Variants in PCBD2 observed in about 807,000 individuals in gnomAD.
PCBD2 encodes the protein pterin-4-alpha-carbinolamine dehydratase 2.
PCBD2 carries 12 observed loss-of-function variants against 16.4 expected under a neutral mutation model. The observed-to-expected ratio is 0.73, with a 90% CI of 0.47 to 1.19. The LOEUF is 1.19. Among genes scored for constraint, PCBD2 ranks in the 50% most tolerant of loss-of-function variants. The probability of loss-of-function intolerance (pLI) is 0.00; values close to 1 mark genes in which losing one functional copy is unlikely to be tolerated. For missense variants in PCBD2, 138 were observed against 156.8 expected (o/e 0.88, Z 0.64); for synonymous variants, 58 against 61.8 (o/e 0.94, Z 0.29).
At chr5:134,960,550 G>A in intron 3 of PCBD2, 36 bp from the exon 4 acceptor site, 1 of 1,428,112 alleles carries the variant, frequency 7.0e-7, no homozygotes, top group South Asian at 1.2e-5. Flanking sequence ...ATGATTTGCT[G>A]CTCAGAGTTT....
intron 3 of PCBD2, among the ~76,000 whole-genome samples, chr5:134,959,963 T>C (rs1325707821): frequency 7.2e-6 from 1 of 138,736 alleles, no homozygotes; most frequent in African/African-American, 2.7e-5. Flanking sequence ...CGATCTCAGC[T>C]CACTGCAGCC....
At chr5:134,939,971 T>G (rs558179385) in intron 2 of PCBD2, among the ~76,000 whole-genome samples, 1 of 151,994 alleles carries the variant, frequency 6.6e-6, no homozygotes, top group Non-Finnish European at 1.5e-5. Flanking sequence ...GGCACTTTTT[T>G]CCTTATGTTG....
At position 134,962,453 on chromosome 5, in the gene PCBD2, A is replaced by C. The variant is rs912648292; in HGVS notation, c.*1772A>C. ...TAATTATACAAGATGGAGTCTCACT[A>C]TGTTGCCCAGGCTGGTCTTGAATGC... On this transcript the variant is annotated 3_prime_UTR_variant, in exon 4 of 4. Coordinates refer to ENST00000254908, the MANE Select transcript of PCBD2 (RefSeq NM_032151.5). Among the ~76,000 whole-genome samples the C allele has an allele frequency of 6.6e-6, 1 of 151,890 alleles. No individual in the cohort carries two copies. Among genetic ancestry groups the C allele is most frequent in the Non-Finnish European group, 1.5e-5 (1 of 67,954 alleles).
chr5:134,937,862 C>T (rs991385230), intron 2 of PCBD2, among the ~76,000 whole-genome samples: 3 of 152,204 alleles, frequency 2.0e-5, no homozygotes, highest in African/African-American at 4.8e-5. Flanking sequence ...CTGATGCAAG[C>T]GTAAGTCTTC....
At chr5:134,905,245 G>C (rs1461297486) in intron 1 of PCBD2, 22 bp downstream of exon 1, 1 of 1,223,506 alleles carries the variant, frequency 8.2e-7, no homozygotes, top group Middle Eastern at 3.1e-4. Flanking sequence ...GCGGCCGCGT[G>C]GGTGGGGGTC....
At chr5:134,943,503 T>C (rs886625143) in intron 2 of PCBD2, among the ~76,000 whole-genome samples, 1 of 152,240 alleles carries the variant, frequency 6.6e-6, no homozygotes, top group African/African-American at 2.4e-5. Flanking sequence ...CAAATGCTCA[T>C]GGTGTAAAGT....
chr5:134,941,118 GAAAAAAAAA>G (rs764468793), intron 2 of PCBD2, among the ~76,000 whole-genome samples: 1 of 80,212 alleles, frequency 1.2e-5, no homozygotes. Flanking sequence ...CCATCTCAAG[GAAAAAAAAA>G]AAAAAAAAAA....
In PCBD2 at chr5:134,910,360, C is replaced by T. The variant is rs546855178; in HGVS notation, c.110C>T (p.Ala37Val). The T allele has an allele frequency of 1.2e-6, 2 of 1,613,956 alleles. No individual in the cohort carries two copies. The highest frequency in any genetic ancestry group is 4.5e-5 in the East Asian group (2 of 44,872). Residue 37 changes from alanine to valine, a missense_variant, in exon 2 of 4, where the codon GCA (alanine) becomes GTA (valine). By Grantham distance (64) the Ala-to-Val change is moderately conservative (BLOSUM62 0). Transcript: ENST00000254908. Reference sequence around the variant, plus strand: ...TCATCAGGTACTCACAGGTTGACTGCAGAGGAGAGGAACCAAGCTATACTT... The same window carrying T: ...TCATCAGGTACTCACAGGTTGACTGTAGAGGAGAGGAACCAAGCTATACTT... Reference protein sequence around the residue: ...AMSSGTHRLTAEERNQAILDL... With the variant: ...AMSSGTHRLTVEERNQAILDL...
chr5:134,905,381 C>G (rs1029646732), intron 1 of PCBD2, 158 bp downstream of exon 1: 3 of 541,554 alleles, frequency 5.5e-6, no homozygotes. Flanking sequence ...GACTGACCAC[C>G]TGTCCGGTGC....
At chr5:134,922,136 C>G (rs1221973185) in intron 2 of PCBD2, among the ~76,000 whole-genome samples, 2 of 152,184 alleles carry the variant, frequency 1.3e-5, no homozygotes, top group African/African-American at 4.8e-5. Flanking sequence ...TGACCAAGGC[C>G]ACAAAAATTA....
intron 2 of PCBD2, among the ~76,000 whole-genome samples, chr5:134,937,687 C>T (rs1751176655): frequency 6.6e-6 from 1 of 152,230 alleles, no homozygotes; most frequent in Admixed American, 6.5e-5. Context: ...CAGTAGGAAT[C>T]TCCACTCACT....
chr5:134,917,790 C>A (rs975875072), intron 2 of PCBD2, among the ~76,000 whole-genome samples: 3 of 152,186 alleles, frequency 2.0e-5, no homozygotes, highest in African/African-American at 7.2e-5. Flanking sequence ...AGCAGTAGCA[C>A]CATATGTGAC....
intron 2 of PCBD2, among the ~76,000 whole-genome samples, chr5:134,947,544 C>T (rs966922145): frequency 6.6e-5 from 10 of 151,918 alleles, no homozygotes; most frequent in Non-Finnish European, 1.2e-4. Flanking sequence ...CCCACTACCA[C>T]GCCTGGCTAA....
intron 2 of PCBD2, among the ~76,000 whole-genome samples, chr5:134,929,275 A>T (rs577277518): frequency 6.7e-6 from 1 of 149,762 alleles, no homozygotes; most frequent in South Asian, 2.1e-4. Flanking sequence ...TGAGGCCAGG[A>T]GTTTGAGGCT....
At chr5:134,927,542 G>C (rs76922362) in intron 2 of PCBD2, 1 of 398,138 alleles carries the variant, frequency 2.5e-6, no homozygotes, top group African/African-American at 2.1e-5. Flanking sequence ...TGTGGGTGTA[G>C]ATTAGTGCGA....
At chr5:134,927,108 G>C (rs1424826437) in intron 2 of PCBD2, 4 of 398,462 alleles carry the variant, frequency 1.0e-5, no homozygotes, top group Non-Finnish European at 1.8e-5. Flanking sequence ...GACTGCGCCG[G>C]TGAAGCTTCA....
At chr5:134,958,099 G>T (rs1751435013) in intron 2 of PCBD2, among the ~76,000 whole-genome samples, 1 of 152,116 alleles carries the variant, frequency 6.6e-6, no homozygotes, top group South Asian at 2.1e-4. Flanking sequence ...GGTGTAATGG[G>T]TATTGCCCTG....
intron 2 of PCBD2, among the ~76,000 whole-genome samples, 193 bp downstream of exon 2, chr5:134,910,659 G>C (rs1292542139): frequency 6.6e-6 from 1 of 152,222 alleles, no homozygotes; most frequent in Non-Finnish European, 1.5e-5. Flanking sequence ...TTTAGCTCTG[G>C]GGGAAGAGGG....
intron 2 of PCBD2, among the ~76,000 whole-genome samples, chr5:134,956,289 G>A (rs1267151896): frequency 6.6e-6 from 1 of 152,128 alleles, no homozygotes; most frequent in Non-Finnish European, 1.5e-5. Flanking sequence ...TGTCATAAAA[G>A]TTTTTTAATT....
Sources: allele counts gnomAD v4.1 joint callset (sites outside exome capture counted in the v4.1 genomes callset), GRCh38; gene constraint gnomAD v4.1.1; transcripts MANE v1.5; gene names NCBI Gene and HGNC (gene_info 2026-07-23, HGNC 2026-07-21).